The following ADAMTS9 variants were observed in gnomAD, a reference collection of about 807,000 sequenced individuals.
ADAMTS9 encodes the protein ADAM metallopeptidase with thrombospondin type 1 motif 9.
ADAMTS9 carries 107 observed loss-of-function variants against 257.1 expected under a neutral mutation model. That is an observed-to-expected ratio of 0.42 (90% CI 0.36 to 0.49). The LOEUF (loss-of-function observed/expected upper bound fraction) is 0.49. Among genes scored for constraint, ADAMTS9 ranks in the 20% least tolerant of loss-of-function variants. The probability of loss-of-function intolerance (pLI) is 0.03; values close to 1 mark genes in which losing one functional copy is unlikely to be tolerated. For missense variants in ADAMTS9, 2,353 were observed against 2,469.1 expected, an observed-to-expected ratio of 0.95 and a Z score of 1.00; for synonymous variants, 982 against 880.9, an observed-to-expected ratio of 1.11 and a Z score of -2.03.
chr3:64,615,589 C>G, intron 20 of ADAMTS9, 104 bp from the exon 21 acceptor site: 2 of 1,192,684 alleles, frequency 1.7e-6, no homozygotes, highest in Non-Finnish European at 2.3e-6. Flanking sequence ...AAACAACACA[C>G]AAGCTGGCCA....
At chr3:64,682,907 T>C (rs1223103641) in intron 2 of ADAMTS9, among the ~76,000 whole-genome samples, 1 of 152,228 alleles carries the variant, frequency 6.6e-6, no homozygotes, top group African/African-American at 2.4e-5. Context: ...TTTTTGTTTT[T>C]AAATTAGATT....
At chr3:64,679,033 G>A (rs2107041162) in intron 3 of ADAMTS9, among the ~76,000 whole-genome samples, 1 of 152,160 alleles carries the variant, frequency 6.6e-6, no homozygotes, top group South Asian at 2.1e-4. Flanking sequence ...GTAATTAAAG[G>A]CCCCAACCTT....
chr3:64,653,584 A>G (rs2106953587), intron 8 of ADAMTS9, among the ~76,000 whole-genome samples: 1 of 152,312 alleles, frequency 6.6e-6, no homozygotes, highest in African/African-American at 2.4e-5. Context: ...TGTTAGCTCT[A>G]AGTAAAGTTA....
At chr3:64,627,480 G>A (rs115184276) in intron 16 of ADAMTS9, among the ~76,000 whole-genome samples, 287 of 152,248 alleles carry the variant, frequency 1.9e-3, no homozygotes, top group Middle Eastern at 6.8e-3. Context: ...AGACAAATAA[G>A]TATCACAGAA....
At chr3:64,544,394 T>C (rs930048603) in intron 32 of ADAMTS9, among the ~76,000 whole-genome samples, 5 of 152,194 alleles carry the variant, frequency 3.3e-5, no homozygotes, top group Admixed American at 2.0e-4. Flanking sequence ...CAAAACAGCA[T>C]GCTACTGGTA....
intron 38 of ADAMTS9, among the ~76,000 whole-genome samples, chr3:64,529,575 G>T (rs371763995): frequency 2.0e-5 from 3 of 152,182 alleles, no homozygotes; most frequent in African/African-American, 7.2e-5. Flanking sequence ...GGCCCTCGGG[G>T]GCCAGATCGT....
Position 64,645,356 on chromosome 3 carries a change from T to C in ADAMTS9, c.1710+2584A>G, listed in dbSNP as rs377392160. 4.6e-5 allele frequency among the ~76,000 whole-genome samples: 7 copies of C among 152,158 alleles called. No individual in the cohort carries two copies. The East Asian group carries it at 1.3e-3, about 29-fold the overall frequency. ...AATAAGTTTAAAAGGAAAATGCTAATGGACTTAAGAGAGTGGAGAAAATAA... is the reference window on the plus strand; with the variant it reads ...AATAAGTTTAAAAGGAAAATGCTAACGGACTTAAGAGAGTGGAGAAAATAA... On this transcript the variant is annotated intron_variant, in intron 11 of 39. Transcript: ENST00000498707.
At chr3:64,621,971 CAT>C (rs888075481) in intron 18 of ADAMTS9, among the ~76,000 whole-genome samples, 6 of 152,012 alleles carry the variant, frequency 3.9e-5, no homozygotes, top group South Asian at 2.1e-4. Flanking sequence ...TGGTTTTACA[CAT>C]GTGTACAAAA....
chr3:64,670,208 G>C (rs1332032313), intron 3 of ADAMTS9, among the ~76,000 whole-genome samples: 1 of 152,098 alleles, frequency 6.6e-6, no homozygotes, highest in Non-Finnish European at 1.5e-5. Context: ...CAACATACAT[G>C]CAAAACAACA....
chr3:64,685,895 C>G (rs1353690688), intron 2 of ADAMTS9, among the ~76,000 whole-genome samples: 1 of 152,276 alleles, frequency 6.6e-6, no homozygotes, highest in Admixed American at 6.5e-5. Flanking sequence ...GACTGCGCTG[C>G]ACCCCCACTC....
intron 20 of ADAMTS9, 56 bp downstream of exon 20, chr3:64,615,904 A>T (rs1023915023): frequency 2.3e-5 from 36 of 1,599,630 alleles, no homozygotes; most frequent in Non-Finnish European, 2.7e-5. Flanking sequence ...GCAAGGAGCC[A>T]CCATCAACTA....
At position 64,613,295 on chromosome 3, in the gene ADAMTS9, A is replaced by G. The variant is rs1178564842; in HGVS notation, c.3354+50T>C. The stretch of plus-strand genomic sequence containing the variant: ...GAATGCTCCTTTGCAAGTCCTCTCC[A>G]GATAAGAAGGAAAGAATGTAGCAGT... On this transcript the variant is annotated intron_variant, in intron 22 of 39. Transcript: ENST00000498707. The G allele has an allele frequency of 5.7e-6, 9 of 1,588,412 alleles. No individual in the cohort carries two copies. In the Admixed American group the frequency reaches 1.2e-4, roughly 21 times the overall value.
rs574835018 is a variant in ADAMTS9 at position 64,529,467 on chromosome 3, G to A, written c.5718+3699C>T. On this transcript the variant is annotated intron_variant, in intron 38 of 39. Transcript: ENST00000498707. ...ACTCCTGGCAGAAAAGCAAAAGAAA[G>A]TGAGGAATGATTATTTGAGAGCTGA... is the stretch of plus-strand genomic sequence containing the variant. 3.9e-5 allele frequency among the ~76,000 whole-genome samples: 6 copies of A among 152,184 alleles called. No homozygotes were observed. The East Asian group carries it at 1.2e-3, about 29-fold the overall frequency.
intron 32 of ADAMTS9, among the ~76,000 whole-genome samples, chr3:64,543,745 A>G (rs2083159113): frequency 6.6e-6 from 1 of 152,324 alleles, no homozygotes; most frequent in South Asian, 2.1e-4. Context: ...CCTATTCAAC[A>G]TAGTGTTGGA....
chr3:64,602,284 T>C, intron 25 of ADAMTS9, 71 bp from the exon 26 acceptor site: 1 of 1,550,748 alleles, frequency 6.4e-7, no homozygotes, highest in Non-Finnish European at 8.8e-7. Context: ...TGAATGTGCA[T>C]TTCTGTAAAT....
intron 21 of ADAMTS9, chr3:64,615,090 A>T: frequency 2.2e-6 from 1 of 451,288 alleles, no homozygotes; most frequent in Non-Finnish European, 3.9e-6. Context: ...AAGCTACAAC[A>T]GTGAGTGATC....
In ADAMTS9 at chr3:64,607,010, C is replaced by T. The variant is rs950126682; in HGVS notation, c.3424G>A (p.Val1142Met). The T allele has an allele frequency of 6.2e-7, 1 of 1,613,870 alleles. No homozygotes were observed. The highest frequency in any genetic ancestry group is 1.3e-5 in the African/African-American group (1 of 75,052). Residue 1142 changes from valine to methionine, a missense_variant, in exon 23 of 40, where the codon GTG (valine) becomes ATG (methionine). Physicochemically the swap from Val to Met is conservative, Grantham distance 21. This residue lies in a region of ADAMTS9 where 1,402 missense variants were observed against 1,441.4 expected (regional missense o/e 0.97). Transcript: ENST00000498707. ...GCATTACAGTCATTGTCATCTACCA[C>T]TGACATATAAGTCCCAATGATGCAT... is the stretch of plus-strand genomic sequence containing the variant. Reference protein sequence around the residue: ...VKCIIGTYMSVVDDNDCNAAT... With the variant: ...VKCIIGTYMSMVDDNDCNAAT...
At chr3:64,612,803 A>T (rs1266814069) in intron 22 of ADAMTS9, among the ~76,000 whole-genome samples, 1 of 152,146 alleles carries the variant, frequency 6.6e-6, no homozygotes, top group East Asian at 1.9e-4. Flanking sequence ...TCAAGTTAAG[A>T]CTGTGGAACC....
rs960061708 is a variant in ADAMTS9, at chr3:64,599,238, T to C, written c.4018-2247A>G. ...CCTTTCTCCAGGTCTAATTTTGCCA[T>C]TATTTGATTAACAGGGATTCTTAGT... is the stretch of plus-strand genomic sequence containing the variant. On this transcript the variant is annotated intron_variant, in intron 26 of 39. Transcript: ENST00000498707. 1.6e-4 allele frequency among the ~76,000 whole-genome samples: 25 copies of C among 152,330 alleles called. 1 individual carries two copies. The highest frequency in any genetic ancestry group is 4.3e-4 in the African/African-American group (18 of 41,580).
Sources: gnomAD v4.1 joint callset for allele counts (sites outside exome capture counted in the v4.1 genomes callset) on GRCh38, gnomAD v4.1.1 for gene constraint, gnomAD v4.1.1 regional missense constraint, MANE v1.5 for transcripts, NCBI Gene and HGNC (gene_info 2026-07-23, HGNC 2026-07-21) for gene names.